Variants in CATSPERG observed in about 807,000 individuals in gnomAD.
CATSPERG encodes the protein catsper channel auxiliary subunit gamma, also known as cation channel sperm-associated auxiliary subunit gamma.
A neutral mutation model predicts 145.0 loss-of-function variants in CATSPERG; 115 were observed. That is an observed-to-expected ratio of 0.79 (90% confidence interval 0.68 to 0.93). The LOEUF is 0.93. Among genes scored for constraint, CATSPERG ranks in the 40% least tolerant of loss-of-function variants. The pLI is 0.00. For missense variants in CATSPERG, 1,296 were observed against 1,490.1 expected, an observed-to-expected ratio of 0.87 and a Z score of 2.14; for synonymous variants, 588 against 589.0, an observed-to-expected ratio of 1.00 and a Z score of 0.02.
chr19:38,344,238 A>C, intron 5 of CATSPERG, 58 bp from the exon 6 acceptor site: 5 of 1,539,724 alleles, frequency 3.2e-6, no homozygotes, highest in Non-Finnish European at 4.4e-6. Flanking sequence ...GGCAGCTACG[A>C]GCTGTGGAAC....
Position 38,362,161 on chromosome 19 carries a change from C to A in CATSPERG, c.2095-49C>A, listed in dbSNP as rs1294693112. ...TCTGGGGATGCCGCTTGCCTGGAGG[C>A]TCTCGCCCCGCTGCCCAATCCCTTC... On this transcript the variant is annotated intron_variant, in intron 17 of 28. Coordinates refer to ENST00000409235, the MANE Select transcript of CATSPERG (RefSeq NM_021185.5). The A allele has an allele frequency of 2.3e-5, 35 of 1,547,644 alleles. No individual in the cohort carries two copies. In the East Asian group the frequency reaches 8.5e-4, roughly 38 times the overall value.
chr19:38,336,910 C>A, intron 1 of CATSPERG: 1 of 465,960 alleles, frequency 2.1e-6, no homozygotes, highest in South Asian at 2.1e-5. Context: ...GGGCCCGGAG[C>A]AATAGCAGAG....
At chr19:38,346,303 G>C in intron 6 of CATSPERG, 147 bp from the exon 7 acceptor site, 3 of 659,522 alleles carry the variant, frequency 4.5e-6, no homozygotes. Context: ...GGACCGAGGG[G>C]GAGAATGGTA....
At position 38,367,307 on chromosome 19, in the gene CATSPERG, G is replaced by A. The variant is rs752781925; in HGVS notation, c.2765G>A (p.Arg922Gln). 2.2e-5 allele frequency: 35 copies of A among 1,610,758 alleles called. No individual in the cohort carries two copies. Among genetic ancestry groups the A allele is most frequent in the South Asian group, 3.3e-5 (3 of 90,938 alleles). ...CCGGAGATGCCCTGCTTTCTCTTCC[G>A]GGACAGTGTGTGTCCAGTCCCTTCC... ...VNPEMPCFLF[R>Q]DIFYPFFLIQ... The change falls in exon 23 of 29, where the codon CGG becomes CAG. Residue 922 changes from arginine to glutamine, a missense_variant. Coordinates refer to ENST00000409235, the MANE Select transcript of CATSPERG (RefSeq NM_021185.5).
At chr19:38,356,380 G>A in intron 9 of CATSPERG, 104 bp from the exon 10 acceptor site, 1 of 942,566 alleles carries the variant, frequency 1.1e-6, no homozygotes, top group South Asian at 1.4e-5. Context: ...GAGATCCCAA[G>A]GACGGAGGGG....
rs1447955579 is a variant in CATSPERG, at chr19:38,362,844, C to T, written c.2475+12C>T. ...CGGTGCTATTTTCGGTGAGGCCCCC[C>T]GGGGAGTTGGGATCAAGGGAGGTTT... On this transcript the variant is annotated intron_variant, in intron 20 of 28. Coordinates refer to ENST00000409235, the MANE Select transcript of CATSPERG (RefSeq NM_021185.5). 5.5e-6 allele frequency: 7 copies of T among 1,271,326 alleles called. No individual in the cohort carries two copies. Among genetic ancestry groups the T allele is most frequent in the East Asian group, 2.3e-5 (1 of 42,772 alleles). 78.8% of individuals were successfully genotyped at this position (1,271,326 alleles called of 1,614,324 possible).
chr19:38,353,291 G>A (rs1970180036), intron 8 of CATSPERG, among the ~76,000 whole-genome samples: 3 of 146,692 alleles, frequency 2.0e-5, no homozygotes, highest in South Asian at 4.4e-4. Flanking sequence ...CTGAGTTCAC[G>A]TCACTGCACT....
In CATSPERG at chr19:38,346,503, G is replaced by A; in HGVS notation, c.723G>A (p.Trp241Ter). ...TGGGTGTCTCATCGAGGCCCTTGTG[G>A]CACACTGTGGACCAGTCACCTGTGC... ...YFVGVSSRPL[W>*]HTVDQSPVLI... Residue 241 changes from tryptophan (W) to a stop codon, truncating the protein, a stop_gained, in exon 7 of 29, where the codon TGG becomes TGA. Transcript: ENST00000409235. LOFTEE classifies it high-confidence loss of function. 2 of 1,551,238 alleles carry A rather than the reference G, an allele frequency of 1.3e-6. No homozygotes were observed. Among genetic ancestry groups the A allele is most frequent in the Non-Finnish European group, 1.7e-6 (2 of 1,146,598 alleles).
chr19:38,364,912 CT>C lies in CATSPERG; in HGVS notation c.2500del (p.Cys834AlafsTer16). ...LFSITLKDKK[L>X]CYDQGISGHH... The stretch of plus-strand genomic sequence containing the variant: ...CCAGATTACGCTCAAGGATAAAAAG[CT>C]TTGCTATGACCAAGGCATTAGTGGA... On this transcript the variant is annotated frameshift_variant, in exon 21 of 29. Coordinates refer to ENST00000409235, the MANE Select transcript of CATSPERG (RefSeq NM_021185.5). LOFTEE classifies it high-confidence loss of function. 6.2e-7 allele frequency: 1 copy of C among 1,614,054 alleles called. No individual in the cohort carries two copies. Among genetic ancestry groups the C allele is most frequent in the South Asian group, 1.1e-5 (1 of 91,086 alleles).
chr19:38,345,507 A>ATTT (rs371421306), intron 6 of CATSPERG, among the ~76,000 whole-genome samples: 1 of 130,244 alleles, frequency 7.7e-6, no homozygotes. Flanking sequence ...CCCATATTCA[A>ATTT]TTTTTTTTTT....
chr19:38,367,772 G>T lies in CATSPERG; in HGVS notation c.2926G>T (p.Asp976Tyr). ...DEIYRFNSPL[D>Y]KTNSLIWTTR... The stretch of plus-strand genomic sequence containing the variant: ...AATCTACCGCTTCAACAGCCCCCTG[G>T]ACAAGTAATCCCCGTGGGGTCCCAC... Residue 976 changes from aspartate to tyrosine, a missense_variant, in exon 25 of 29, where the codon GAC (aspartate) becomes TAC (tyrosine). Physicochemically the swap from Asp to Tyr is radical, Grantham distance 160. Transcript: ENST00000409235. 1.2e-6 allele frequency: 2 copies of T among 1,613,972 alleles called. No individual in the cohort carries two copies. The highest frequency in any genetic ancestry group is 2.7e-5 in the African/African-American group (2 of 75,030).
At position 38,370,668 on chromosome 19, in the gene CATSPERG, C is replaced by T; in HGVS notation, c.3356C>T (p.Ser1119Phe). Residue 1119 changes from serine (S) to phenylalanine (F), a missense_variant, in exon 29 of 29, where the codon TCC (serine) becomes TTC (phenylalanine). By Grantham distance (155) the Ser-to-Phe change is radical. Transcript: ENST00000409235. ...TCAGAATCCTACTACACCTACGCCT[C>T]CATTTCCGGAATCTCGAGCATGCCG... ...IASESYYTYASISGISSMPSL... is the reference protein window; with the variant it reads ...IASESYYTYAFISGISSMPSL... The T allele has an allele frequency of 6.2e-7, 1 of 1,614,138 alleles. No homozygotes were observed. Among genetic ancestry groups the T allele is most frequent in the Non-Finnish European group, 8.5e-7 (1 of 1,180,034 alleles).
At chr19:38,369,758 T>G in intron 26 of CATSPERG, 1 of 590,424 alleles carries the variant, frequency 1.7e-6, no homozygotes, top group Non-Finnish European at 3.1e-6. Flanking sequence ...CAGATGGAGG[T>G]GTGAAGGCAG....
intron 3 of CATSPERG, among the ~76,000 whole-genome samples, chr19:38,338,912 C>T (rs1969889874): frequency 6.6e-6 from 1 of 152,160 alleles, no homozygotes; most frequent in East Asian, 1.9e-4. Context: ...TGGAGTCTCA[C>T]TCTGTTGTTG....
chr19:38,363,424 G>A (rs1424661424), intron 20 of CATSPERG, among the ~76,000 whole-genome samples: 1 of 151,474 alleles, frequency 6.6e-6, no homozygotes, highest in Non-Finnish European at 1.5e-5. Context: ...AGATCCTCAT[G>A]CCTCGGCGTG....
intron 3 of CATSPERG, among the ~76,000 whole-genome samples, chr19:38,341,222 A>G (rs1969932782): frequency 2.0e-5 from 3 of 152,210 alleles, no homozygotes; most frequent in South Asian, 2.1e-4. Flanking sequence ...AGAGGGCCCT[A>G]TGCAGAGGAG....
chr19:38,342,213 T>TAAAA (rs1186860861), intron 3 of CATSPERG, among the ~76,000 whole-genome samples: 9 of 129,722 alleles, frequency 6.9e-5, no homozygotes, highest in Non-Finnish European at 1.5e-4. Context: ...CTGTCCCATG[T>TAAAA]AAAAAATAAA....
chr19:38,346,746 A>T (rs1432656432), intron 7 of CATSPERG, 141 bp downstream of exon 7: 6 of 757,440 alleles, frequency 7.9e-6, no homozygotes, highest in Non-Finnish European at 1.2e-5. Flanking sequence ...CATGAAGAAA[A>T]AACACAAGAT....
intron 6 of CATSPERG, 97 bp downstream of exon 6, chr19:38,344,465 A>C (rs1969992873): frequency 1.4e-5 from 15 of 1,054,148 alleles, no homozygotes; most frequent in Non-Finnish European, 2.2e-5. Flanking sequence ...TTTAGGGAGC[A>C]CCAACTTCAT....
Sources: allele counts gnomAD v4.1 joint callset (sites outside exome capture counted in the v4.1 genomes callset), GRCh38; gene constraint gnomAD v4.1.1; transcripts MANE v1.5; gene names NCBI Gene and HGNC (gene_info 2026-07-23, HGNC 2026-07-21).